The following RBFOX1 variants were observed in gnomAD, a reference collection of about 807,000 sequenced individuals.
The protein encoded by RBFOX1 is RNA binding protein fox-1 homolog 1.
In RBFOX1, 8 loss-of-function variants were observed where a neutral mutation model predicts 57.7. The ratio of observed to expected loss-of-function variants is 0.14; its 90% CI spans 0.08 to 0.25. RBFOX1 has a LOEUF of 0.25. RBFOX1 is among the 10% of genes least tolerant of loss of function. The pLI, the probability that RBFOX1 is intolerant of heterozygous loss-of-function variation, is 1.00. For synonymous variants in RBFOX1, 326 were observed against 222.4 expected, an observed-to-expected ratio of 1.47 and a Z score of -4.15; for missense variants, 611 against 548.5, an observed-to-expected ratio of 1.11 and a Z score of -1.14.
At chr16:6,218,927 A>G (rs1300311876) in intron 1 of RBFOX1, among the ~76,000 whole-genome samples, 1 of 152,140 alleles carries the variant, frequency 6.6e-6, no homozygotes, top group Non-Finnish European at 1.5e-5. Flanking sequence ...TGCAAGTATG[A>G]ATAGGGTATT....
intron 2 of RBFOX1, among the ~76,000 whole-genome samples, chr16:6,613,032 TGTGTGTGTGTGA>T (rs1359756734): frequency 2.9e-4 from 42 of 144,604 alleles, no homozygotes; most frequent in Admixed American, 2.6e-3. Flanking sequence ...TGTGTGTGTG[TGTGTGTGTGTGA>T]GTGTGTGTGT....
intron 4 of RBFOX1, among the ~76,000 whole-genome samples, chr16:7,371,905 C>T (rs74010674): frequency 0.013 from 1,903 of 151,810 alleles, 41 homozygotes; most frequent in African/African-American, 0.044. Flanking sequence ...CATGGAGCCT[C>T]CTTCAGTTTT....
At chr16:5,474,514 TGTG>T (rs949211114) in intron 2 of RBFOX1, among the ~76,000 whole-genome samples, 11 of 152,106 alleles carry the variant, frequency 7.2e-5, no homozygotes, top group African/African-American at 2.7e-4. Context: ...ACTAGCCAAG[TGTG>T]GTGGTGGGCA....
At chr16:5,361,914 A>T (rs576370435) in intron 1 of RBFOX1, among the ~76,000 whole-genome samples, 1 of 152,360 alleles carries the variant, frequency 6.6e-6, no homozygotes, top group South Asian at 2.1e-4. Flanking sequence ...TAATGTTCTG[A>T]GAATGGTTTG....
At chr16:7,677,912 C>T (rs906085846) in intron 14 of RBFOX1, among the ~76,000 whole-genome samples, 8 of 152,152 alleles carry the variant, frequency 5.3e-5, no homozygotes, top group Non-Finnish European at 1.2e-4. Flanking sequence ...GTTCCTACCT[C>T]GGTTTGCTGT....
intron 2 of RBFOX1, among the ~76,000 whole-genome samples, chr16:6,358,543 A>G (rs1366497158): frequency 6.6e-6 from 1 of 152,212 alleles, no homozygotes; most frequent in Non-Finnish European, 1.5e-5. Context: ...ATTATTAACA[A>G]TTTGAATAGA....
intron 4 of RBFOX1, among the ~76,000 whole-genome samples, chr16:7,069,814 C>A (rs138139323): frequency 6.6e-6 from 1 of 152,192 alleles, no homozygotes; most frequent in Admixed American, 6.5e-5. Flanking sequence ...TGTGTTCCTC[C>A]TATCCATGTC....
intron 4 of RBFOX1, among the ~76,000 whole-genome samples, chr16:7,303,921 C>A (rs975746565): frequency 6.6e-6 from 1 of 151,896 alleles, no homozygotes; most frequent in Admixed American, 6.6e-5. Context: ...ATCCCCTGCC[C>A]CTTCCAGAGA....
intron 3 of RBFOX1, among the ~76,000 whole-genome samples, chr16:5,627,956 G>A (rs1567317649): frequency 6.6e-6 from 1 of 152,212 alleles, no homozygotes; most frequent in African/African-American, 2.4e-5. Flanking sequence ...CTGGTGAGAA[G>A]AGGCCAAAGC....
chr16:5,924,778 C>A (rs899947241), intron 4 of RBFOX1, among the ~76,000 whole-genome samples: 1 of 152,168 alleles, frequency 6.6e-6, no homozygotes, highest in Admixed American at 6.5e-5. Flanking sequence ...GTCTTATCTT[C>A]ATGATTTTTT....
intron 3 of RBFOX1, among the ~76,000 whole-genome samples, chr16:6,865,539 T>G (rs2059770739): frequency 6.6e-6 from 1 of 152,164 alleles, no homozygotes. Flanking sequence ...GCTGCAGGAA[T>G]TGTATCAGGT....
At chr16:5,658,577 C>G (rs2049533132) in intron 3 of RBFOX1, among the ~76,000 whole-genome samples, 1 of 152,024 alleles carries the variant, frequency 6.6e-6, no homozygotes, top group Admixed American at 6.6e-5. Flanking sequence ...CAGAGCTTAG[C>G]TCCCACTTAT....
chr16:6,173,164 A>G (rs757731454), intron 1 of RBFOX1, among the ~76,000 whole-genome samples: 1 of 152,288 alleles, frequency 6.6e-6, no homozygotes, highest in South Asian at 2.1e-4. Context: ...TCCCTTTGCC[A>G]TGTACGGTAA....
At chr16:6,755,333 T>A (rs1256588634) in intron 3 of RBFOX1, among the ~76,000 whole-genome samples, 1 of 152,152 alleles carries the variant, frequency 6.6e-6, no homozygotes, top group Non-Finnish European at 1.5e-5. Context: ...TGTAAAAGTG[T>A]TCCTATTTCT....
chr16:5,622,313 A>G (rs1263350721), intron 3 of RBFOX1, among the ~76,000 whole-genome samples: 2 of 152,214 alleles, frequency 1.3e-5, no homozygotes, highest in African/African-American at 4.8e-5. Context: ...ATGGTGGGAC[A>G]TTAATTATGC....
chr16:7,291,797 C>G (rs1330906694), intron 4 of RBFOX1, among the ~76,000 whole-genome samples: 2 of 151,248 alleles, frequency 1.3e-5, no homozygotes, highest in Non-Finnish European at 2.9e-5. Flanking sequence ...TGCAAAGAGT[C>G]TGATGCAATG....
intron 3 of RBFOX1, among the ~76,000 whole-genome samples, chr16:5,812,669 C>T (rs1339645838): frequency 6.6e-6 from 1 of 152,060 alleles, no homozygotes; most frequent in African/African-American, 2.4e-5. Context: ...CCTCTGTTGC[C>T]TACGTTGGTC....
intron 2 of RBFOX1, among the ~76,000 whole-genome samples, chr16:6,360,368 G>T (rs144130020): frequency 6.6e-6 from 1 of 152,036 alleles, no homozygotes. Context: ...TACTTGCACT[G>T]CAGGGACCAA....
At chr16:6,153,572 G>T (rs1347549401) in intron 1 of RBFOX1, among the ~76,000 whole-genome samples, 2 of 151,624 alleles carry the variant, frequency 1.3e-5, no homozygotes, top group East Asian at 1.9e-4. Context: ...GTCTCCCTCT[G>T]TTGCCCAGGC....
Sources: gnomAD v4.1 joint callset for allele counts (sites outside exome capture counted in the v4.1 genomes callset) on GRCh38, gnomAD v4.1.1 for gene constraint, MANE v1.5 for transcripts, NCBI Gene and HGNC (gene_info 2026-07-23, HGNC 2026-07-21) for gene names.